ERC2: variants seen among roughly 807,000 people sequenced by gnomAD.
ERC2 encodes the protein ERC protein 2.
Under a neutral mutation model 114.8 loss-of-function variants are expected in ERC2, and 42 were observed. The observed-to-expected ratio is 0.37, with a 90% confidence interval of 0.29 to 0.47. The LOEUF (loss-of-function observed/expected upper bound fraction) is 0.47, where lower values mean the gene tolerates loss of function less well. Among genes scored for constraint, ERC2 ranks in the 20% least tolerant of loss-of-function variants. The pLI is 0.99. For synonymous variants in ERC2, 454 were observed against 425.5 expected (o/e 1.07, Z -0.82); for missense variants, 939 against 1,150.7 (o/e 0.82, Z 2.66).
intron 3 of ERC2, among the ~76,000 whole-genome samples, chr3:56,267,839 T>C (rs1263153862): frequency 1.3e-5 from 2 of 152,030 alleles, no homozygotes; most frequent in Admixed American, 6.6e-5. Flanking sequence ...TGTAATTACA[T>C]AGGATGAATA....
intron 6 of ERC2, among the ~76,000 whole-genome samples, chr3:56,095,557 C>T (rs534387252): frequency 3.5e-4 from 53 of 152,206 alleles, no homozygotes; most frequent in African/African-American, 1.2e-3. Flanking sequence ...GATGCATAAG[C>T]AAATGAAAAG....
chr3:56,054,130 G>A (rs2075898246), intron 7 of ERC2, among the ~76,000 whole-genome samples: 1 of 152,130 alleles, frequency 6.6e-6, no homozygotes, highest in Non-Finnish European at 1.5e-5. Flanking sequence ...TATACTCTCT[G>A]GAAAAACAGA....
intron 2 of ERC2, among the ~76,000 whole-genome samples, chr3:56,329,173 C>T (rs2057496580): frequency 6.6e-6 from 1 of 152,150 alleles, no homozygotes; most frequent in African/African-American, 2.4e-5. Context: ...ATGTATACTT[C>T]AGATGTTTAA....
At chr3:56,024,236 C>T (rs1404029177) in intron 7 of ERC2, among the ~76,000 whole-genome samples, 2 of 152,144 alleles carry the variant, frequency 1.3e-5, no homozygotes. Flanking sequence ...TAGAATTATG[C>T]CCAGAGTTTT....
chr3:56,170,600 T>TG (rs1560298801), intron 4 of ERC2, among the ~76,000 whole-genome samples: 2 of 143,314 alleles, frequency 1.4e-5, no homozygotes, highest in African/African-American at 5.3e-5. Flanking sequence ...TTTTTTTTTT[T>TG]TTTTTTTTTT....
chr3:55,836,573 C>A (rs1414920615), intron 14 of ERC2, among the ~76,000 whole-genome samples: 1 of 152,158 alleles, frequency 6.6e-6, no homozygotes, highest in African/African-American at 2.4e-5. Flanking sequence ...GAAACTGGAT[C>A]CCTTCCTTAC....
intron 17 of ERC2, among the ~76,000 whole-genome samples, chr3:55,555,932 C>A (rs550482356): frequency 1.3e-5 from 2 of 152,254 alleles, no homozygotes; most frequent in South Asian, 4.1e-4. Flanking sequence ...GTGACTGTAC[C>A]CAGGGACTTG....
At chr3:55,554,116 A>G (rs1209584817) in intron 17 of ERC2, among the ~76,000 whole-genome samples, 1 of 152,186 alleles carries the variant, frequency 6.6e-6, no homozygotes, top group Non-Finnish European at 1.5e-5. Flanking sequence ...ACATCTTTGC[A>G]TAATTCTTTG....
At chr3:55,568,457 G>A (rs2056508770) in intron 17 of ERC2, among the ~76,000 whole-genome samples, 1 of 152,172 alleles carries the variant, frequency 6.6e-6, no homozygotes, top group Non-Finnish European at 1.5e-5. Flanking sequence ...CCCCATTCTG[G>A]ATGGCGGCAG....
chr3:56,426,838 C>T (rs1329172791), intron 2 of ERC2, among the ~76,000 whole-genome samples: 1 of 152,092 alleles, frequency 6.6e-6, no homozygotes, highest in African/African-American at 2.4e-5. Flanking sequence ...AGCATTATTG[C>T]AGCAGTAGCT....
chr3:56,263,786 G>A (rs1445604782), intron 3 of ERC2, among the ~76,000 whole-genome samples: 2 of 151,934 alleles, frequency 1.3e-5, no homozygotes, highest in East Asian at 3.9e-4. Flanking sequence ...TAGAACTAGA[G>A]GCAATACTTC....
Position 56,421,525 on chromosome 3 carries a change from G to A in ERC2, c.657+12826C>T, listed in dbSNP as rs116770755. Among the ~76,000 whole-genome samples, 797 of 152,314 alleles carry A rather than the reference G, an allele frequency of 5.2e-3. 7 individuals carry two copies. The highest frequency in any genetic ancestry group is 0.018 in the African/African-American group (753 of 41,562). On this transcript the variant is annotated intron_variant, in intron 2 of 17. Transcript: ENST00000288221. ...TTATTGGTTCTCTGAATTTGAAGTCGCAACAGCGCAACTCTAGGCTGTCCC... is the reference window on the plus strand; with the variant it reads ...TTATTGGTTCTCTGAATTTGAAGTCACAACAGCGCAACTCTAGGCTGTCCC...
intron 3 of ERC2, among the ~76,000 whole-genome samples, chr3:56,293,071 C>T (rs180919232): frequency 6.1e-4 from 93 of 152,116 alleles, no homozygotes; most frequent in East Asian, 5.2e-3. Context: ...ATTCATCCAA[C>T]GAAGGAATGA....
intron 17 of ERC2, among the ~76,000 whole-genome samples, chr3:55,537,553 G>T (rs1307520753): frequency 6.6e-6 from 1 of 152,140 alleles, no homozygotes; most frequent in African/African-American, 2.4e-5. Context: ...TCCCCGACTC[G>T]CACTTTAGAG....
rs547997501 is a variant in ERC2, at chr3:55,877,439, T to C, written c.2564+10950A>G. ...GGCAGAGTCAGGCTATGAACTAGAG[T>C]GCTCAGGGTTCTCCTCACTGCACCG... On this transcript the variant is annotated intron_variant, in intron 14 of 17. Coordinates refer to ENST00000288221, the MANE Select transcript of ERC2 (RefSeq NM_015576.3). Among the ~76,000 whole-genome samples, 4 of 152,170 alleles carry C rather than the reference T, an allele frequency of 2.6e-5. No homozygotes were observed. The East Asian group carries it at 7.7e-4, about 29-fold the overall frequency.
Position 55,677,095 on chromosome 3 carries a change from C to T in ERC2, c.*39+6699G>A, listed in dbSNP as rs186763820. ...GAGAGCAGAAAGAGGTGGACTGAGACATTATTATCCTTTTCTCTCTTCCAA... is the reference window on the plus strand; with the variant it reads ...GAGAGCAGAAAGAGGTGGACTGAGATATTATTATCCTTTTCTCTCTTCCAA... On this transcript the variant is annotated intron_variant, in intron 17 of 17. Coordinates refer to ENST00000288221, the MANE Select transcript of ERC2 (RefSeq NM_015576.3). Among the ~76,000 whole-genome samples, 9 of 152,204 alleles carry T rather than the reference C, an allele frequency of 5.9e-5. No individual in the cohort carries two copies. The East Asian group carries it at 1.7e-3, about 29-fold the overall frequency.
At chr3:56,439,035 G>A (rs1174512476) in intron 1 of ERC2, among the ~76,000 whole-genome samples, 1 of 152,218 alleles carries the variant, frequency 6.6e-6, no homozygotes, top group Non-Finnish European at 1.5e-5. Context: ...AATAACAGAT[G>A]TATGCTAGTA....
chr3:56,457,077 C>G (rs961680751), intron 1 of ERC2, among the ~76,000 whole-genome samples: 2 of 152,190 alleles, frequency 1.3e-5, no homozygotes, highest in Non-Finnish European at 1.5e-5. Flanking sequence ...CTTTCTCAGA[C>G]CCCTTTCAGA....
rs545861874 is a variant in ERC2, at chr3:56,114,793, G to A, written c.1473+24716C>T. ...CCTCCAAGCTGCCTTTTTCATTCCC[G>A]GGTGTAGAGTAAACTAACTTTGAGA... On this transcript the variant is annotated intron_variant, in intron 6 of 17. Coordinates refer to ENST00000288221, the MANE Select transcript of ERC2 (RefSeq NM_015576.3). Among the ~76,000 whole-genome samples, 10 of 152,254 alleles carry A rather than the reference G, an allele frequency of 6.6e-5. No individual in the cohort carries two copies. In the East Asian group the frequency reaches 1.9e-3, roughly 29 times the overall value.
Sources: allele counts gnomAD v4.1 joint callset (sites outside exome capture counted in the v4.1 genomes callset), GRCh38; gene constraint gnomAD v4.1.1; transcripts MANE v1.5; gene names NCBI Gene and HGNC (gene_info 2026-07-23, HGNC 2026-07-21).